The following EPM2A variants were observed in gnomAD, a reference collection of about 807,000 sequenced individuals.
EPM2A encodes the protein EPM2A glucan phosphatase, laforin, also known as laforin.
In EPM2A, 21 loss-of-function variants were observed where a neutral mutation model predicts 26.5. The ratio of observed to expected loss-of-function variants is 0.79; its 90% CI spans 0.56 to 1.14. The LOEUF (loss-of-function observed/expected upper bound fraction) is 1.14. EPM2A is among the 50% of genes most tolerant of loss of function. The probability of loss-of-function intolerance (pLI) is 0.00; values close to 1 mark genes in which losing one functional copy is unlikely to be tolerated. For synonymous variants in EPM2A, 217 were observed against 177.6 expected, an observed-to-expected ratio of 1.22 and a Z score of -1.76; for missense variants, 458 against 440.8, an observed-to-expected ratio of 1.04 and a Z score of -0.35.
intron 2 of EPM2A, among the ~76,000 whole-genome samples, chr6:145,560,433 T>C (rs1184141039): frequency 4.6e-5 from 7 of 152,100 alleles, no homozygotes; most frequent in Non-Finnish European, 8.8e-5. Flanking sequence ...ATAGAAAATA[T>C]TTTAGGCTCT....
rs145258106 is a variant in EPM2A, at chr6:145,472,759, G to A, written c.555+29763C>T. 1.9e-3 allele frequency among the ~76,000 whole-genome samples: 291 copies of A among 152,186 alleles called. 1 individual carries two copies. The highest frequency in any genetic ancestry group is 6.3e-3 in the African/African-American group (260 of 41,542). On this transcript the variant is annotated intron_variant, in intron 4 of 4. Transcript: ENST00000638717. Reference sequence around the variant, plus strand: ...GCTCAGCCACAATACAATAGAATGCGAGATAGACTTCTATCTAATCTTGTC... The same window carrying A: ...GCTCAGCCACAATACAATAGAATGCAAGATAGACTTCTATCTAATCTTGTC...
At position 145,635,399 on chromosome 6, in the gene EPM2A, A is replaced by C. The variant is rs1342189516; in HGVS notation, c.564T>G (p.Ala188=). The C allele has an allele frequency of 6.2e-7, 1 of 1,614,160 alleles. No individual in the cohort carries two copies. The highest frequency in any genetic ancestry group is 1.6e-4 in the Middle Eastern group (1 of 6,062). Residue 188 remains alanine (A), a synonymous_variant, in exon 3 of 4, where the codon GCT becomes GCG. Transcript: ENST00000367519. The stretch of plus-strand genomic sequence containing the variant: ...CCCATTCAGTCTGGAAATTCATTAC[A>C]GCTGTAATCCCCAATTCATGCTTCA... The part of the protein sequence containing the change: ...IKLKHELGIT[A]VMNFQTEWDI...
intron 1 of EPM2A, among the ~76,000 whole-genome samples, chr6:145,716,623 C>G (rs1775639864): frequency 6.6e-6 from 1 of 152,112 alleles, no homozygotes; most frequent in Admixed American, 6.6e-5. Context: ...CTGCCATTCC[C>G]ACGCTCCTCA....
At chr6:145,444,395 C>T (rs1434364918) in intron 4 of EPM2A, among the ~76,000 whole-genome samples, 2 of 152,210 alleles carry the variant, frequency 1.3e-5, no homozygotes, top group Admixed American at 6.5e-5. Context: ...TGATGAATCA[C>T]ATTTATCTAT....
intron 2 of EPM2A, among the ~76,000 whole-genome samples, chr6:145,547,564 T>C (rs1250668223): frequency 6.6e-6 from 1 of 152,148 alleles, no homozygotes; most frequent in Non-Finnish European, 1.5e-5. Flanking sequence ...AGATTCTATC[T>C]AAATGAACAG....
chr6:145,677,468 A>C (rs1780144683), intron 2 of EPM2A, among the ~76,000 whole-genome samples: 1 of 152,216 alleles, frequency 6.6e-6, no homozygotes, highest in Non-Finnish European at 1.5e-5. Flanking sequence ...AAGGGTATTC[A>C]ATTAGGAAAA....
chr6:145,695,244 G>T (rs982973465), intron 1 of EPM2A, among the ~76,000 whole-genome samples: 3 of 151,890 alleles, frequency 2.0e-5, no homozygotes, highest in African/African-American at 7.2e-5. Flanking sequence ...CCTGTTACAG[G>T]TAATGTTTTA....
In EPM2A at chr6:145,503,189, G is replaced by A. The variant is rs142058821; in HGVS notation, c.341-614C>T. Among the ~76,000 whole-genome samples, 9 of 152,248 alleles carry A rather than the reference G, an allele frequency of 5.9e-5. No homozygotes were observed. In the East Asian group the frequency reaches 1.5e-3, roughly 26 times the overall value. ...TTTAATGTAAGAGGGCTCTTTTCAGGTCTATTTATTATTGACTTTAAAAAT... is the reference window on the plus strand; with the variant it reads ...TTTAATGTAAGAGGGCTCTTTTCAGATCTATTTATTATTGACTTTAAAAAT... On this transcript the variant is annotated intron_variant, in intron 2 of 3. Coordinates refer to the EPM2A transcript ENST00000450221.
At chr6:145,671,712 T>G (rs994139864) in intron 2 of EPM2A, among the ~76,000 whole-genome samples, 2 of 152,198 alleles carry the variant, frequency 1.3e-5, no homozygotes, top group South Asian at 4.1e-4. Context: ...TTTAAAAGAA[T>G]GCCAGATAAA....
chr6:145,729,699 C>T (rs966329977), intron 1 of EPM2A, among the ~76,000 whole-genome samples: 3 of 152,162 alleles, frequency 2.0e-5, no homozygotes, highest in Non-Finnish European at 4.4e-5. Flanking sequence ...CTTGCCTTGT[C>T]TCAGATGAGA....
intron 1 of EPM2A, among the ~76,000 whole-genome samples, chr6:145,732,114 G>C (rs958028222): frequency 6.6e-6 from 1 of 151,906 alleles, no homozygotes; most frequent in African/African-American, 2.4e-5. Flanking sequence ...AGGTTTTTAA[G>C]AAAGAGGAAG....
chr6:145,449,318 C>G (rs1168372020), intron 4 of EPM2A, among the ~76,000 whole-genome samples: 1 of 152,172 alleles, frequency 6.6e-6, no homozygotes, highest in Non-Finnish European at 1.5e-5. Context: ...CTCATGAGAG[C>G]TAATTTTTAC....
intron 2 of EPM2A, among the ~76,000 whole-genome samples, chr6:145,652,105 C>T (rs1274683134): frequency 6.6e-6 from 1 of 152,110 alleles, no homozygotes; most frequent in African/African-American, 2.4e-5. Context: ...ATAAAAAAGC[C>T]TGTACAGCTA....
rs535741672 is a variant in EPM2A, at chr6:145,642,166, G to A, written c.477-6680C>T. ...CACAAAGATTGAGGCAAATAACCAG[G>A]CTACGACTTGGTTACCTTGATACAG... is the stretch of plus-strand genomic sequence containing the variant. On this transcript the variant is annotated intron_variant, in intron 2 of 3. Coordinates refer to ENST00000367519, the MANE Select transcript of EPM2A (RefSeq NM_005670.4). Among the ~76,000 whole-genome samples the A allele has an allele frequency of 1.4e-4, 22 of 152,256 alleles. No individual in the cohort carries two copies. In the South Asian group the frequency reaches 4.4e-3, roughly 30 times the overall value.
rs929557381 is a variant in EPM2A, at chr6:145,556,425, T to C, written c.341-53850A>G. On this transcript the variant is annotated intron_variant, in intron 2 of 3. Transcript: ENST00000450221. ...GATAGAATTTTCTGAGCTTAGAAGA[T>C]AAACAGCTTGTCTAAATTCCCCTGC... Among the ~76,000 whole-genome samples the C allele has an allele frequency of 2.6e-5, 4 of 152,266 alleles. No individual in the cohort carries two copies. The South Asian group carries it at 6.2e-4, about 24-fold the overall frequency.
intron 4 of EPM2A, among the ~76,000 whole-genome samples, chr6:145,391,123 C>T (rs1778331570): frequency 6.6e-6 from 1 of 152,190 alleles, no homozygotes; most frequent in African/African-American, 2.4e-5. Flanking sequence ...ACCTTAAAAA[C>T]TGAGTGCCCA....
At chr6:145,683,293 G>GTA (rs1173469737) in intron 2 of EPM2A, among the ~76,000 whole-genome samples, 1 of 149,470 alleles carries the variant, frequency 6.7e-6, no homozygotes, top group African/African-American at 2.4e-5. Flanking sequence ...GTGTGTGTGT[G>GTA]TGTGTGTGTG....
chr6:145,411,299 T>C (rs922384772), intron 4 of EPM2A, among the ~76,000 whole-genome samples: 1 of 152,208 alleles, frequency 6.6e-6, no homozygotes, highest in Non-Finnish European at 1.5e-5. Flanking sequence ...ATTTTTGAAC[T>C]GATACATAAA....
chr6:145,388,167 A>C (rs991467323), intron 4 of EPM2A, among the ~76,000 whole-genome samples: 17 of 152,206 alleles, frequency 1.1e-4, no homozygotes, highest in African/African-American at 4.1e-4. Context: ...GAATGCTTAC[A>C]GATTTGATAT....
Sources: allele counts gnomAD v4.1 joint callset (sites outside exome capture counted in the v4.1 genomes callset), GRCh38; gene constraint gnomAD v4.1.1; transcripts MANE v1.5; gene names NCBI Gene and HGNC (gene_info 2026-07-23, HGNC 2026-07-21).